CTNNA3: variants seen among roughly 807,000 people sequenced by gnomAD.
The protein encoded by CTNNA3 is catenin alpha-3.
A neutral mutation model predicts 95.7 loss-of-function variants in CTNNA3; 76 were observed. The ratio of observed to expected loss-of-function variants is 0.79; its 90% CI spans 0.66 to 0.96. The LOEUF is 0.96. Among genes scored for constraint, CTNNA3 ranks in the 40% least tolerant of loss-of-function variants. CTNNA3 has a pLI of 0.00. For missense variants in CTNNA3, 1,191 were observed against 1,089.8 expected, an observed-to-expected ratio of 1.09 and a Z score of -1.31; for synonymous variants, 431 against 374.4, an observed-to-expected ratio of 1.15 and a Z score of -1.74.
intron 5 of CTNNA3, among the ~76,000 whole-genome samples, chr10:67,423,145 C>T (rs772006240): frequency 6.6e-6 from 1 of 152,052 alleles, no homozygotes; most frequent in South Asian, 2.1e-4. Context: ...GTTGTTTTAC[C>T]TGCTAGCATC....
chr10:67,302,011 GAAAGAAAGAAAGAAAGAAAGAAAGAAAGA>G, intron 5 of CTNNA3, among the ~76,000 whole-genome samples: 1 of 12,586 alleles, frequency 7.9e-5, no homozygotes, highest in Non-Finnish European at 1.2e-4. Flanking sequence ...ACGAAAGAAA[GAAAGAAAGAAAGAAAGAAAGAAAGAAAGA>G]AAGAAAGAAA....
intron 4 of CTNNA3, among the ~76,000 whole-genome samples, chr10:67,524,740 C>T (rs942119604): frequency 1.3e-5 from 2 of 152,002 alleles, no homozygotes; most frequent in Admixed American, 6.6e-5. Flanking sequence ...GGCTTAGCTC[C>T]CTATTAAACA....
At chr10:67,545,071 G>GT (rs1840802746) in intron 3 of CTNNA3, among the ~76,000 whole-genome samples, 1 of 120,354 alleles carries the variant, frequency 8.3e-6, no homozygotes, top group African/African-American at 4.7e-5. Context: ...TAACTAATCT[G>GT]TGTTTTTTTA....
chr10:65,938,955 T>G (rs1405888042), intron 17 of CTNNA3, among the ~76,000 whole-genome samples: 1 of 151,972 alleles, frequency 6.6e-6, no homozygotes, highest in Non-Finnish European at 1.5e-5. Flanking sequence ...CAGGCTGGAA[T>G]GCAGTGGCGC....
At chr10:66,173,494 G>C (rs115028716) in intron 13 of CTNNA3, among the ~76,000 whole-genome samples, 1 of 151,942 alleles carries the variant, frequency 6.6e-6, no homozygotes, top group African/African-American at 2.4e-5. Flanking sequence ...AGACCAGCCT[G>C]GGCAAGATAA....
intron 13 of CTNNA3, among the ~76,000 whole-genome samples, chr10:66,220,282 T>C (rs954797882): frequency 6.6e-6 from 1 of 152,208 alleles, no homozygotes; most frequent in Non-Finnish European, 1.5e-5. Context: ...ATAAGTGAAC[T>C]GTGATTATAA....
intron 5 of CTNNA3, among the ~76,000 whole-genome samples, chr10:67,493,953 A>G (rs187035427): frequency 2.6e-4 from 40 of 152,318 alleles, no homozygotes; most frequent in African/African-American, 9.4e-4. Flanking sequence ...AAATGAGTAG[A>G]AAAAAATGAA....
intron 5 of CTNNA3, among the ~76,000 whole-genome samples, chr10:67,358,984 C>T (rs761464887): frequency 4.6e-5 from 7 of 152,066 alleles, no homozygotes; most frequent in Non-Finnish European, 1.0e-4. Flanking sequence ...GAGCAAGATC[C>T]TATCTGCTAG....
At chr10:67,660,355 G>C (rs1484285873) in intron 1 of CTNNA3, among the ~76,000 whole-genome samples, 4 of 152,014 alleles carry the variant, frequency 2.6e-5, no homozygotes, top group African/African-American at 4.8e-5. Flanking sequence ...TAGAATTCAA[G>C]AAACAAATGG....
intron 9 of CTNNA3, among the ~76,000 whole-genome samples, chr10:66,679,474 A>G (rs1012180950): frequency 2.0e-5 from 3 of 152,196 alleles, no homozygotes; most frequent in Non-Finnish European, 4.4e-5. Flanking sequence ...AGGTAGAAAC[A>G]GGAGTCTGTA....
intron 6 of CTNNA3, among the ~76,000 whole-genome samples, chr10:67,200,415 A>G (rs1431186635): frequency 6.6e-6 from 1 of 152,206 alleles, no homozygotes; most frequent in African/African-American, 2.4e-5. Flanking sequence ...TACTCCCTAA[A>G]GAAGGCATAA....
chr10:67,119,237 T>C (rs1305158656), intron 7 of CTNNA3, among the ~76,000 whole-genome samples: 1 of 151,954 alleles, frequency 6.6e-6, no homozygotes, highest in Non-Finnish European at 1.5e-5. Flanking sequence ...TCTCTATTTA[T>C]GTCCACCTGC....
chr10:66,154,245 C>A (rs906155034), intron 13 of CTNNA3, among the ~76,000 whole-genome samples: 3 of 151,752 alleles, frequency 2.0e-5, no homozygotes, highest in African/African-American at 7.3e-5. Flanking sequence ...AGCAAATCCT[C>A]TTTGGACTTA....
At chr10:66,191,330 G>A (rs190403735) in intron 13 of CTNNA3, among the ~76,000 whole-genome samples, 1 of 152,118 alleles carries the variant, frequency 6.6e-6, no homozygotes, top group Admixed American at 6.5e-5. Context: ...TGTCTCCATG[G>A]TCCTGTGTTT....
intron 10 of CTNNA3, among the ~76,000 whole-genome samples, chr10:66,572,004 T>C (rs1842880140): frequency 6.6e-6 from 1 of 152,166 alleles, no homozygotes; most frequent in African/African-American, 2.4e-5. Flanking sequence ...TTAACCACTA[T>C]ACATATTTGC....
At chr10:66,965,362 C>T (rs1195522696) in intron 7 of CTNNA3, among the ~76,000 whole-genome samples, 1 of 151,848 alleles carries the variant, frequency 6.6e-6, no homozygotes, top group Non-Finnish European at 1.5e-5. Context: ...TGGTGAAACC[C>T]TGTCTCTACT....
intron 6 of CTNNA3, among the ~76,000 whole-genome samples, chr10:67,217,492 C>T (rs1377722716): frequency 2.7e-5 from 4 of 150,796 alleles, no homozygotes; most frequent in Non-Finnish European, 5.9e-5. Flanking sequence ...ATCTTTTGGA[C>T]CCCTTCCCGC....
intron 5 of CTNNA3, among the ~76,000 whole-genome samples, chr10:67,285,357 T>C (rs566541536): frequency 1.1e-3 from 161 of 152,260 alleles, no homozygotes; most frequent in African/African-American, 3.8e-3. Flanking sequence ...AATAGACGGC[T>C]AGAGAACTGC....
chr10:66,655,259 A>C (rs898748831), intron 9 of CTNNA3, among the ~76,000 whole-genome samples: 3 of 152,104 alleles, frequency 2.0e-5, no homozygotes, highest in Admixed American at 2.0e-4. Flanking sequence ...AAATTAGAAT[A>C]GTTACCTCTT....
Sources: allele counts gnomAD v4.1 joint callset (sites outside exome capture counted in the v4.1 genomes callset), GRCh38; gene constraint gnomAD v4.1.1; transcripts MANE v1.5; gene names NCBI Gene and HGNC (gene_info 2026-07-23, HGNC 2026-07-21).